SOX5: variants seen among roughly 807,000 people sequenced by gnomAD.
The protein encoded by SOX5 is transcription factor SOX-5.
Under a neutral mutation model 92.0 loss-of-function variants are expected in SOX5, and 9 were observed. The ratio of observed to expected loss-of-function variants is 0.10; its 90% CI spans 0.06 to 0.17. SOX5 has a LOEUF of 0.17. Ranked by LOEUF, SOX5 falls within the 10% of genes least tolerant of loss-of-function variation. The pLI is 1.00. For missense variants in SOX5, 642 were observed against 944.5 expected (o/e 0.68, Z 4.20); for synonymous variants, 344 against 336.3 (o/e 1.02, Z -0.25).
At position 23,578,144 on chromosome 12, in the gene SOX5, A is replaced by C. The variant is rs867523301; in HGVS notation, c.1165-2306T>G. The stretch of plus-strand genomic sequence containing the variant: ...AAAAAAAAAAAAAAAAAAAAAAAAA[A>C]AAAAAACTATAGGGGCAATATTATC... On this transcript the variant is annotated intron_variant, in intron 9 of 14. Transcript: ENST00000451604. Among the ~76,000 whole-genome samples the C allele has an allele frequency of 5.1e-3, 686 of 134,978 alleles. 15 individuals carry two copies. The highest frequency in any genetic ancestry group is 0.017 in the African/African-American group (660 of 38,312). The allele number at this position is 134,978 out of a possible 152,430, so 88.6% of individuals were successfully genotyped here.
At chr12:24,191,781 T>C (rs1415275005) in intron 4 of SOX5, among the ~76,000 whole-genome samples, 1 of 152,198 alleles carries the variant, frequency 6.6e-6, no homozygotes, top group Admixed American at 6.5e-5. Flanking sequence ...TTTGTTTGTT[T>C]AGCCTGTGTG....
chr12:24,269,445 T>A (rs1034096077), intron 3 of SOX5, among the ~76,000 whole-genome samples: 1 of 152,198 alleles, frequency 6.6e-6, no homozygotes, highest in African/African-American at 2.4e-5. Flanking sequence ...AATCTTGGAT[T>A]TAAATACCTA....
intron 3 of SOX5, among the ~76,000 whole-genome samples, chr12:23,760,437 T>C (rs2094531144): frequency 6.6e-6 from 1 of 152,136 alleles, no homozygotes; most frequent in Non-Finnish European, 1.5e-5. Context: ...AAATAAAATA[T>C]ACCCTTCATC....
chr12:24,068,704 G>GTATATA (rs1164844032), intron 4 of SOX5, among the ~76,000 whole-genome samples: 18 of 74,318 alleles, frequency 2.4e-4, no homozygotes, highest in African/African-American at 9.0e-4. Context: ...GTGTGTGTGT[G>GTATATA]TATATATATA....
chr12:23,884,753 G>A (rs1350016581), intron 2 of SOX5, among the ~76,000 whole-genome samples: 3 of 152,270 alleles, frequency 2.0e-5, no homozygotes, highest in Admixed American at 6.5e-5. Context: ...ATCCAAGAAT[G>A]TTTTCCATCT....
At chr12:23,818,914 G>C (rs1473213744) in intron 3 of SOX5, among the ~76,000 whole-genome samples, 1 of 152,046 alleles carries the variant, frequency 6.6e-6, no homozygotes, top group African/African-American at 2.4e-5. Flanking sequence ...CTCACTGGAA[G>C]GTCTTCAGGG....
At position 23,650,894 on chromosome 12, in the gene SOX5, G is replaced by A. The variant is rs76691797; in HGVS notation, c.932-9997C>T. On this transcript the variant is annotated intron_variant, in intron 7 of 14. Coordinates refer to ENST00000451604, the MANE Select transcript of SOX5 (RefSeq NM_006940.6). ...TCAGTTTTGTGGCAAGGCATAGAAC[G>A]ATTGGAAGAAGGAGAGACTGCAGAT... is the stretch of plus-strand genomic sequence containing the variant. Among the ~76,000 whole-genome samples, 523 of 152,190 alleles carry A rather than the reference G, an allele frequency of 3.4e-3. 1 individual carries two copies. Among genetic ancestry groups the A allele is most frequent in the African/African-American group, 0.012 (503 of 41,560 alleles).
chr12:23,820,144 T>C (rs985887152), intron 3 of SOX5, among the ~76,000 whole-genome samples: 5 of 152,242 alleles, frequency 3.3e-5, no homozygotes, highest in Non-Finnish European at 7.3e-5. Flanking sequence ...AGATGGTATC[T>C]CATTGTGGTT....
At chr12:24,454,547 G>A (rs1490527525) in intron 1 of SOX5, among the ~76,000 whole-genome samples, 1 of 152,108 alleles carries the variant, frequency 6.6e-6, no homozygotes, top group Admixed American at 6.6e-5. Flanking sequence ...AGATGCACAA[G>A]TATTTACGGG....
intron 1 of SOX5, among the ~76,000 whole-genome samples, chr12:24,467,751 G>A (rs188866220): frequency 9.9e-5 from 15 of 152,100 alleles, no homozygotes; most frequent in Non-Finnish European, 1.8e-4. Context: ...CTCACCAACA[G>A]AGTGTCCAAG....
chr12:23,562,052 C>T (rs1005117166), intron 11 of SOX5, among the ~76,000 whole-genome samples: 4 of 152,098 alleles, frequency 2.6e-5, no homozygotes, highest in Non-Finnish European at 5.9e-5. Flanking sequence ...AATATAAATT[C>T]CTTTATGCTT....
At chr12:24,116,855 A>T (rs891247781) in intron 4 of SOX5, among the ~76,000 whole-genome samples, 2 of 152,128 alleles carry the variant, frequency 1.3e-5, no homozygotes, top group African/African-American at 2.4e-5. Context: ...TGAAAATTTT[A>T]ACTGCCATCT....
intron 1 of SOX5, among the ~76,000 whole-genome samples, chr12:23,943,070 T>C (rs2139606090): frequency 6.6e-6 from 1 of 152,128 alleles, no homozygotes; most frequent in Middle Eastern, 3.4e-3. Flanking sequence ...ATTATTTTTG[T>C]CCCTGAAGTA....
intron 3 of SOX5, among the ~76,000 whole-genome samples, chr12:23,794,511 C>T (rs2095529727): frequency 6.6e-6 from 1 of 151,984 alleles, no homozygotes; most frequent in South Asian, 2.1e-4. Context: ...TTATTTTTTA[C>T]CTCCAGCAGG....
intron 1 of SOX5, among the ~76,000 whole-genome samples, chr12:24,421,217 GC>G (rs1965862037): frequency 6.6e-6 from 1 of 152,112 alleles, no homozygotes; most frequent in African/African-American, 2.4e-5. Context: ...GATTGTTCAC[GC>G]CTTCTACTTC....
intron 1 of SOX5, among the ~76,000 whole-genome samples, chr12:24,440,956 A>T (rs1940457338): frequency 6.6e-6 from 1 of 152,172 alleles, no homozygotes; most frequent in Admixed American, 6.5e-5. Flanking sequence ...CTTTGCCATG[A>T]CCTGGGTCAC....
intron 4 of SOX5, among the ~76,000 whole-genome samples, chr12:23,957,513 G>A (rs117829262): frequency 0.018 from 2,787 of 152,286 alleles, 29 homozygotes; most frequent in Non-Finnish European, 0.027. Flanking sequence ...AAGGGTTGTT[G>A]TCTCTATCAA....
chr12:23,993,236 T>C (rs1374198122), intron 4 of SOX5, among the ~76,000 whole-genome samples: 1 of 152,218 alleles, frequency 6.6e-6, no homozygotes, highest in Non-Finnish European at 1.5e-5. Flanking sequence ...TTTAATAAGC[T>C]GACTTCACAG....
intron 3 of SOX5, among the ~76,000 whole-genome samples, chr12:24,222,896 G>C (rs1565689319): frequency 6.6e-6 from 1 of 152,128 alleles, no homozygotes; most frequent in Non-Finnish European, 1.5e-5. Flanking sequence ...TGCCCATATT[G>C]CTTGGAATAG....
Sources: gnomAD v4.1 joint callset for allele counts (sites outside exome capture counted in the v4.1 genomes callset) on GRCh38, gnomAD v4.1.1 for gene constraint, MANE v1.5 for transcripts, NCBI Gene and HGNC (gene_info 2026-07-23, HGNC 2026-07-21) for gene names.